The following SLC23A2 variants were observed in gnomAD, a reference collection of about 807,000 sequenced individuals.
SLC23A2 encodes the protein solute carrier family 23 member 2, also known as Na(+)/L-ascorbic acid transporter 2.
A neutral mutation model predicts 73.3 loss-of-function variants in SLC23A2; 36 were observed. That is an observed-to-expected ratio of 0.49 (90% CI 0.38 to 0.65). The LOEUF (loss-of-function observed/expected upper bound fraction) is 0.65, where lower values mean the gene tolerates loss of function less well. Among genes scored for constraint, SLC23A2 ranks in the 30% least tolerant of loss-of-function variants. The probability of loss-of-function intolerance (pLI) is 0.00; values close to 1 mark genes in which losing one functional copy is unlikely to be tolerated. For synonymous variants in SLC23A2, 343 were observed against 327.3 expected, an observed-to-expected ratio of 1.05 and a Z score of -0.52; for missense variants, 507 against 841.6, an observed-to-expected ratio of 0.60 and a Z score of 4.92.
At chr20:4,919,219 C>A (rs1354135520) in intron 3 of SLC23A2, among the ~76,000 whole-genome samples, 1 of 152,232 alleles carries the variant, frequency 6.6e-6, no homozygotes, top group Non-Finnish European at 1.5e-5. Flanking sequence ...ATGACACTAG[C>A]GACCTTGAAT....
rs145809612 is a variant in SLC23A2, at chr20:4,929,778, G to A, written c.108+2677C>T. Among the ~76,000 whole-genome samples the A allele has an allele frequency of 5.5e-3, 842 of 152,110 alleles. 9 individuals are homozygous for A. Among genetic ancestry groups the A allele is most frequent in the African/African-American group, 0.019 (788 of 41,490 alleles). ...ACTGTATACAAAAAATAAGTAAACC[G>A]GAAAATACTGAAGGACTCATCCAGA... On this transcript the variant is annotated intron_variant, in intron 3 of 16. Transcript: ENST00000338244.
intron 1 of SLC23A2, among the ~76,000 whole-genome samples, chr20:4,996,284 A>G (rs2088019147): frequency 6.6e-6 from 1 of 152,140 alleles, no homozygotes; most frequent in Non-Finnish European, 1.5e-5. Context: ...CATCTCTGTA[A>G]GAGTTACACA....
intron 3 of SLC23A2, 141 bp from the exon 4 acceptor site, chr20:4,913,119 G>A: frequency 1.6e-6 from 1 of 634,364 alleles, no homozygotes; most frequent in Admixed American, 2.6e-5. Flanking sequence ...CGTATGGGGA[G>A]GCTGCCTTAG....
At chr20:4,983,228 G>C (rs2087754710) in intron 1 of SLC23A2, among the ~76,000 whole-genome samples, 2 of 152,126 alleles carry the variant, frequency 1.3e-5, no homozygotes, top group South Asian at 4.1e-4. Flanking sequence ...AAACTGAGAG[G>C]GGGTAAATCT....
chr20:4,976,046 G>A (rs973498540), intron 1 of SLC23A2, among the ~76,000 whole-genome samples: 1 of 150,878 alleles, frequency 6.6e-6, no homozygotes, highest in Non-Finnish European at 1.5e-5. Context: ...GTAGAGACGG[G>A]GTTTCACCGT....
intron 3 of SLC23A2, among the ~76,000 whole-genome samples, chr20:4,922,262 T>C (rs1932521244): frequency 6.6e-6 from 1 of 152,024 alleles, no homozygotes; most frequent in Non-Finnish European, 1.5e-5. Flanking sequence ...CAGGCAGGAA[T>C]AGCAATCAGG....
chr20:5,006,417 T>A (rs147508073), upstream of SLC23A2, among the ~76,000 whole-genome samples: 1,113 of 152,116 alleles, frequency 7.3e-3, 17 homozygotes, highest in African/African-American at 0.025. Context: ...ATAATATTTT[T>A]ATAATACAGG....
chr20:4,882,502 TA>T (rs1389910263), intron 9 of SLC23A2, among the ~76,000 whole-genome samples: 2 of 152,216 alleles, frequency 1.3e-5, no homozygotes, highest in Admixed American at 1.3e-4. Context: ...ATTTAATTTG[TA>T]AAGTGTAGAT....
chr20:4,863,396 C>A lies in SLC23A2; in HGVS notation c.1357-489G>T, dbSNP rs115449495. On this transcript the variant is annotated intron_variant, in intron 13 of 16. Coordinates refer to ENST00000338244, the MANE Select transcript of SLC23A2 (RefSeq NM_005116.6). This position sits in a 1 kb window ranked among gnomAD's most constrained non-coding sequence, Gnocchi z 4.8. ...GATGAGGACATCTGGAGCCTGACTG[C>A]GGGCTCTTCTCCTGGCCCACGTCTG... Among the ~76,000 whole-genome samples the A allele has an allele frequency of 3.9e-5, 6 of 152,228 alleles. No homozygotes were observed. The East Asian group carries it at 1.2e-3, about 29-fold the overall frequency.
intron 1 of SLC23A2, among the ~76,000 whole-genome samples, chr20:4,996,041 C>T (rs942289635): frequency 4.6e-5 from 7 of 152,138 alleles, no homozygotes; most frequent in Admixed American, 1.3e-4. Flanking sequence ...AAGACTTCAT[C>T]AATAAATGAA....
chr20:4,881,739 G>GTA (rs1397535104), intron 9 of SLC23A2, among the ~76,000 whole-genome samples: 1 of 152,150 alleles, frequency 6.6e-6, no homozygotes. Flanking sequence ...TTCATGTGCT[G>GTA]TATCTGCTTT....
At chr20:4,912,805 G>T in intron 4 of SLC23A2, 75 bp downstream of exon 4, 1 of 943,184 alleles carries the variant, frequency 1.1e-6, no homozygotes, top group Non-Finnish European at 1.7e-6. Context: ...AAAGGGATCC[G>T]GATCCAGATC....
chr20:4,968,938 G>A (rs902598279), intron 2 of SLC23A2, among the ~76,000 whole-genome samples: 23 of 151,334 alleles, frequency 1.5e-4, no homozygotes, highest in African/African-American at 5.1e-4. Context: ...GGCCAGGCTG[G>A]TCTCGAACTC....
chr20:4,890,535 C>A (rs1437223450), intron 6 of SLC23A2, among the ~76,000 whole-genome samples: 1 of 152,064 alleles, frequency 6.6e-6, no homozygotes, highest in East Asian at 1.9e-4. Flanking sequence ...TACCTATATC[C>A]CAGCTACTTG....
chr20:4,976,362 T>C (rs188272560), intron 1 of SLC23A2, among the ~76,000 whole-genome samples: 10 of 152,226 alleles, frequency 6.6e-5, no homozygotes, highest in African/African-American at 2.4e-4. Flanking sequence ...TGCAATTTCT[T>C]CTATTACTTT....
chr20:4,963,049 T>G (rs6052990), intron 2 of SLC23A2, among the ~76,000 whole-genome samples: 3 of 151,486 alleles, frequency 2.0e-5, no homozygotes, highest in African/African-American at 7.3e-5. Flanking sequence ...AAACTAACAG[T>G]GGTAGTTGAA....
chr20:4,866,933 AC>A (rs1327860436), intron 13 of SLC23A2, among the ~76,000 whole-genome samples: 4 of 151,748 alleles, frequency 2.6e-5, no homozygotes, highest in Admixed American at 1.3e-4. Flanking sequence ...TTCACAACAT[AC>A]CATGGCCAAT....
intron 1 of SLC23A2, among the ~76,000 whole-genome samples, chr20:4,974,708 G>T (rs1462113671): frequency 6.6e-6 from 1 of 151,716 alleles, no homozygotes; most frequent in African/African-American, 2.4e-5. Flanking sequence ...TTTTTTCAAG[G>T]TCTTACAAAA....
At chr20:4,927,037 T>C (rs975174779) in intron 3 of SLC23A2, among the ~76,000 whole-genome samples, 1 of 151,890 alleles carries the variant, frequency 6.6e-6, no homozygotes, top group East Asian at 1.9e-4. Flanking sequence ...AAGCCCAGCT[T>C]TGGATTCTGA....
Sources: allele counts gnomAD v4.1 joint callset (sites outside exome capture counted in the v4.1 genomes callset), GRCh38; gene constraint gnomAD v4.1.1; non-coding constraint Gnocchi (gnomAD v3.1); transcripts MANE v1.5; gene names NCBI Gene and HGNC (gene_info 2026-07-23, HGNC 2026-07-21).